The following LSM12 variants were observed in gnomAD, a reference collection of about 807,000 sequenced individuals.
LSM12 encodes protein LSM12.
For missense variants in LSM12, 108 were observed against 238.9 expected, an observed-to-expected ratio of 0.45 and a Z score of 3.61; for synonymous variants, 74 against 87.3, an observed-to-expected ratio of 0.85 and a Z score of 0.85.
chr17:44,047,756 A>T (rs1363658926), intron 2 of LSM12, among the ~76,000 whole-genome samples: 21 of 136,636 alleles, frequency 1.5e-4, no homozygotes, highest in Non-Finnish European at 2.9e-4. Flanking sequence ...TTTTTTTTTT[A>T]ATTTTATGTA....
At chr17:44,045,248 G>A (rs928220443) in intron 2 of LSM12, among the ~76,000 whole-genome samples, 6 of 151,984 alleles carry the variant, frequency 3.9e-5, no homozygotes, top group African/African-American at 1.5e-4. Flanking sequence ...GGCTGGTCTC[G>A]AACTCCTGAC....
intron 2 of LSM12, among the ~76,000 whole-genome samples, chr17:44,052,302 C>T (rs2049655199): frequency 6.7e-6 from 1 of 150,118 alleles, no homozygotes; most frequent in South Asian, 2.1e-4. Flanking sequence ...CACAGTGAGA[C>T]CCTGTTTCTA....
chr17:44,066,852 C>T, upstream of LSM12: 1 of 282,344 alleles, frequency 3.5e-6, no homozygotes, highest in Non-Finnish European at 6.4e-6. Context: ...AAATGACCTA[C>T]GTGGAATGAA....
At chr17:44,066,715 C>A, upstream of LSM12, 1 of 1,182,238 alleles carries the variant, frequency 8.5e-7, no homozygotes, top group Non-Finnish European at 1.1e-6. Flanking sequence ...CGTGGCCTGG[C>A]GCTGGTTGGG....
intron 2 of LSM12, among the ~76,000 whole-genome samples, chr17:44,055,768 G>C (rs2049705753): frequency 6.8e-6 from 1 of 146,298 alleles, no homozygotes; most frequent in Non-Finnish European, 1.5e-5. Flanking sequence ...TAAATAAAAA[G>C]ATATAACCAA....
At chr17:44,041,919 T>C (rs2049500024) in intron 2 of LSM12, among the ~76,000 whole-genome samples, 1 of 152,232 alleles carries the variant, frequency 6.6e-6, no homozygotes, top group Non-Finnish European at 1.5e-5. Flanking sequence ...CAGCTGAGTC[T>C]AACAATGCTG....
At chr17:44,045,114 G>A (rs1476145530) in intron 2 of LSM12, among the ~76,000 whole-genome samples, 9 of 151,832 alleles carry the variant, frequency 5.9e-5, no homozygotes, top group Non-Finnish European at 1.3e-4. Context: ...TGCAACCTCC[G>A]CCTCCCAGGT....
At chr17:44,052,023 G>A (rs1219647815) in intron 2 of LSM12, among the ~76,000 whole-genome samples, 1 of 152,062 alleles carries the variant, frequency 6.6e-6, no homozygotes, top group East Asian at 1.9e-4. Context: ...CAGGAGAATT[G>A]TTTGAACCGG....
rs966299499 is a variant in LSM12 at position 44,066,612 on chromosome 17, G to T, written c.-25C>A. On this transcript the variant is annotated 5_prime_UTR_variant, in exon 1 of 5. Transcript: ENST00000293406. The stretch of plus-strand genomic sequence containing the variant: ...TCTTGGGAGTGCAGCCGCGGCCGGC[G>T]GCGGCGGCGGCAGCAGCGGGCGAAA... 6 of 1,326,672 alleles carry T rather than the reference G, an allele frequency of 4.5e-6. No homozygotes were observed. Among genetic ancestry groups the T allele is most frequent in the Non-Finnish European group, 4.8e-6 (5 of 1,034,816 alleles). The allele number at this position is 1,326,672 out of a possible 1,614,324, so 82.2% of individuals were successfully genotyped here. A position where few individuals can be genotyped will look rare whatever the true frequency, so the allele number is the denominator to read the frequency against.
At chr17:44,061,928 G>A (rs2144113084) in intron 2 of LSM12, among the ~76,000 whole-genome samples, 1 of 152,252 alleles carries the variant, frequency 6.6e-6, no homozygotes, top group East Asian at 1.9e-4. Flanking sequence ...CACTAGACAA[G>A]TAAACAACTA....
At chr17:44,042,212 G>A (rs1201230087) in intron 2 of LSM12, among the ~76,000 whole-genome samples, 1 of 151,792 alleles carries the variant, frequency 6.6e-6, no homozygotes, top group African/African-American at 2.4e-5. Context: ...GCTTGAACAC[G>A]GGAGGCAGAG....
chr17:44,041,993 A>T (rs1170802415), intron 2 of LSM12, among the ~76,000 whole-genome samples: 1 of 152,230 alleles, frequency 6.6e-6, no homozygotes, highest in Non-Finnish European at 1.5e-5. Flanking sequence ...TCCTTAAATA[A>T]AAAGAGGCAC....
intron 2 of LSM12, among the ~76,000 whole-genome samples, chr17:44,054,656 T>C (rs530090926): frequency 6.6e-6 from 1 of 151,930 alleles, no homozygotes; most frequent in Non-Finnish European, 1.5e-5. Flanking sequence ...TCTGACCCAT[T>C]TGACACCACT....
At chr17:44,048,315 CTACAAAAAT>C (rs1176081914) in intron 2 of LSM12, among the ~76,000 whole-genome samples, 1 of 151,704 alleles carries the variant, frequency 6.6e-6, no homozygotes, top group Non-Finnish European at 1.5e-5. Flanking sequence ...AACCCCATCT[CTACAAAAAT>C]TACAAAAATT....
At chr17:44,038,500 C>T (rs1198943211) in intron 3 of LSM12, among the ~76,000 whole-genome samples, 2 of 151,776 alleles carry the variant, frequency 1.3e-5, no homozygotes, top group Non-Finnish European at 2.9e-5. Context: ...ACTAAAAATA[C>T]AAAAATTAGC....
At chr17:44,048,901 G>C (rs1331810371) in intron 2 of LSM12, among the ~76,000 whole-genome samples, 2 of 151,990 alleles carry the variant, frequency 1.3e-5, no homozygotes, top group Non-Finnish European at 2.9e-5. Flanking sequence ...ATATTAAAAG[G>C]CTTCTAGGCC....
At chr17:44,052,023 G>C (rs1219647815) in intron 2 of LSM12, among the ~76,000 whole-genome samples, 2 of 152,062 alleles carry the variant, frequency 1.3e-5, no homozygotes. Flanking sequence ...CAGGAGAATT[G>C]TTTGAACCGG....
intron 2 of LSM12, among the ~76,000 whole-genome samples, chr17:44,060,589 C>G (rs1380075817): frequency 6.6e-6 from 1 of 152,300 alleles, no homozygotes; most frequent in East Asian, 1.9e-4. Context: ...TTTCTGACTC[C>G]TCTTCCCAGC....
chr17:44,063,676 A>G, intron 2 of LSM12, 125 bp downstream of exon 2: 1 of 1,124,596 alleles, frequency 8.9e-7, no homozygotes, highest in Non-Finnish European at 1.2e-6. Context: ...TTAAAAAGAT[A>G]TCAGAACAAA....
Sources: gnomAD v4.1 joint callset for allele counts (sites outside exome capture counted in the v4.1 genomes callset) on GRCh38, gnomAD v4.1.1 for gene constraint, MANE v1.5 for transcripts, NCBI Gene and HGNC (gene_info 2026-07-23, HGNC 2026-07-21) for gene names.